The following SORCS3 variants were observed in gnomAD, a reference collection of about 807,000 sequenced individuals.
SORCS3 encodes VPS10 domain-containing receptor SorCS3.
A neutral mutation model predicts 146.3 loss-of-function variants in SORCS3; 57 were observed. The observed-to-expected ratio is 0.39, with a 90% CI of 0.31 to 0.49. The LOEUF (loss-of-function observed/expected upper bound fraction) is 0.49. Among genes scored for constraint, SORCS3 ranks in the 20% least tolerant of loss-of-function variants. The probability of loss-of-function intolerance (pLI) is 0.92; values close to 1 mark genes in which losing one functional copy is unlikely to be tolerated. For missense variants in SORCS3, 1,341 were observed against 1,575.5 expected, an observed-to-expected ratio of 0.85 and a Z score of 2.52; for synonymous variants, 653 against 618.5, an observed-to-expected ratio of 1.06 and a Z score of -0.83.
intron 1 of SORCS3, among the ~76,000 whole-genome samples, chr10:104,740,314 T>G (rs2016826546): frequency 6.6e-6 from 1 of 152,222 alleles, no homozygotes; most frequent in Non-Finnish European, 1.5e-5. Flanking sequence ...TTTGTATCCC[T>G]TGATAAAATG....
At chr10:105,175,405 C>A (rs749071733) in intron 13 of SORCS3, among the ~76,000 whole-genome samples, 5 of 151,942 alleles carry the variant, frequency 3.3e-5, no homozygotes, top group Non-Finnish European at 5.9e-5. Flanking sequence ...CAGAGAGAGG[C>A]CTTAAATTCA....
intron 1 of SORCS3, among the ~76,000 whole-genome samples, chr10:104,796,258 A>G (rs1169482311): frequency 1.3e-5 from 2 of 152,194 alleles, no homozygotes; most frequent in East Asian, 1.9e-4. Flanking sequence ...GCTAAGTGGT[A>G]TTTTCCAGAG....
intron 1 of SORCS3, among the ~76,000 whole-genome samples, chr10:104,830,936 C>T (rs1029009160): frequency 4.6e-5 from 7 of 152,054 alleles, no homozygotes; most frequent in Non-Finnish European, 7.4e-5. Flanking sequence ...CTCAGCCTCC[C>T]GAGTAGTTGG....
intron 1 of SORCS3, among the ~76,000 whole-genome samples, chr10:104,703,400 A>G (rs933153215): frequency 6.6e-6 from 1 of 152,194 alleles, no homozygotes; most frequent in African/African-American, 2.4e-5. Flanking sequence ...TGAATTTTTA[A>G]TAATTGCCAT....
At chr10:104,996,553 A>G (rs1224343458) in intron 4 of SORCS3, among the ~76,000 whole-genome samples, 3 of 151,356 alleles carry the variant, frequency 2.0e-5, no homozygotes, top group South Asian at 4.2e-4. Context: ...GAATTGAACA[A>G]TTCAACCAAC....
chr10:104,996,426 T>A (rs1239461097), intron 4 of SORCS3, among the ~76,000 whole-genome samples: 2 of 152,202 alleles, frequency 1.3e-5, no homozygotes, highest in Non-Finnish European at 2.9e-5. Flanking sequence ...TCTCTTTTAA[T>A]CAGGTTTATT....
intron 5 of SORCS3, among the ~76,000 whole-genome samples, chr10:105,087,696 T>C (rs2055672775): frequency 6.6e-6 from 1 of 152,148 alleles, no homozygotes; most frequent in Non-Finnish European, 1.5e-5. Context: ...TAGGTCCCAA[T>C]GGTTCAAAAA....
chr10:105,142,499 C>T (rs141712913), intron 8 of SORCS3, among the ~76,000 whole-genome samples: 42 of 152,290 alleles, frequency 2.8e-4, no homozygotes, highest in African/African-American at 9.6e-4. Flanking sequence ...AAACTTAAAA[C>T]CAGCTTTTCT....
chr10:104,707,726 A>G (rs1437507307), intron 1 of SORCS3, among the ~76,000 whole-genome samples: 2 of 152,172 alleles, frequency 1.3e-5, no homozygotes, highest in African/African-American at 4.8e-5. Flanking sequence ...TGAGATTAAC[A>G]CTCAAAGGCT....
intron 1 of SORCS3, among the ~76,000 whole-genome samples, chr10:104,667,258 G>A (rs1199186952): frequency 2.6e-5 from 4 of 152,264 alleles, no homozygotes; most frequent in South Asian, 2.1e-4. Flanking sequence ...CCGAGCTCAC[G>A]TGCTGGGCCC....
At chr10:104,819,372 TTGTC>T (rs1245870359) in intron 1 of SORCS3, among the ~76,000 whole-genome samples, 11 of 152,252 alleles carry the variant, frequency 7.2e-5, no homozygotes, top group Middle Eastern at 3.4e-3. Context: ...CTGTATCTGT[TTGTC>T]TGTCTATAGG....
chr10:104,913,654 A>G (rs1370608220), intron 2 of SORCS3, among the ~76,000 whole-genome samples: 1 of 152,006 alleles, frequency 6.6e-6, no homozygotes, highest in East Asian at 1.9e-4. Context: ...ATGCCTCTTC[A>G]CTTTTGTTTA....
chr10:104,691,518 T>A (rs2016111734), intron 1 of SORCS3, among the ~76,000 whole-genome samples: 1 of 152,190 alleles, frequency 6.6e-6, no homozygotes, highest in Non-Finnish European at 1.5e-5. Flanking sequence ...ATCTTCCCTG[T>A]CTTGTCTGGA....
At chr10:104,839,169 A>G (rs2018107533) in intron 1 of SORCS3, among the ~76,000 whole-genome samples, 1 of 152,232 alleles carries the variant, frequency 6.6e-6, no homozygotes, top group Non-Finnish European at 1.5e-5. Context: ...AGAAGTACTA[A>G]ACACAATCCC....
At chr10:105,127,506 A>G (rs1164508619) in intron 7 of SORCS3, among the ~76,000 whole-genome samples, 1 of 152,122 alleles carries the variant, frequency 6.6e-6, no homozygotes, top group African/African-American at 2.4e-5. Flanking sequence ...TTTTAAAATG[A>G]AGGTGTAATT....
At chr10:104,735,348 T>C (rs775116880) in intron 1 of SORCS3, among the ~76,000 whole-genome samples, 3 of 152,054 alleles carry the variant, frequency 2.0e-5, no homozygotes, top group Non-Finnish European at 4.4e-5. Context: ...TGCCCCCAAA[T>C]GCAGCCGGAG....
At chr10:104,813,179 A>T (rs1392835231) in intron 1 of SORCS3, among the ~76,000 whole-genome samples, 1 of 152,096 alleles carries the variant, frequency 6.6e-6, no homozygotes, top group Non-Finnish European at 1.5e-5. Context: ...CAGGGCCTTC[A>T]CTGCTGCTAT....
chr10:105,005,719 C>T (rs1428836591), intron 4 of SORCS3, among the ~76,000 whole-genome samples: 1 of 152,106 alleles, frequency 6.6e-6, no homozygotes, highest in African/African-American at 2.4e-5. Context: ...TATCTCTGCC[C>T]TCACTCACTC....
chr10:105,214,300 C>T, intron 17 of SORCS3, 142 bp from the exon 18 acceptor site: 1 of 822,164 alleles, frequency 1.2e-6, no homozygotes, highest in South Asian at 1.7e-5. Context: ...CTTTTTGAGA[C>T]TTGGTTTCCA....
Sources: allele counts gnomAD v4.1 joint callset (sites outside exome capture counted in the v4.1 genomes callset), GRCh38; gene constraint gnomAD v4.1.1; transcripts MANE v1.5; gene names NCBI Gene and HGNC (gene_info 2026-07-23, HGNC 2026-07-21).